The following HSPB1 variants were observed in gnomAD, a reference collection of about 807,000 sequenced individuals.
The protein encoded by HSPB1 is heat shock protein beta-1.
Under a neutral mutation model 17.0 loss-of-function variants are expected in HSPB1, and 19 were observed. The observed-to-expected ratio is 1.12, with a 90% CI of 0.78 to 1.64. The LOEUF (loss-of-function observed/expected upper bound fraction) is 1.64, where lower values mean the gene tolerates loss of function less well. Among genes scored for constraint, HSPB1 ranks in the 40% most tolerant of loss-of-function variants. The pLI is 0.00. For synonymous variants in HSPB1, 165 were observed against 129.8 expected (o/e 1.27, Z -1.84); for missense variants, 348 against 289.2 (o/e 1.20, Z -1.47).
In HSPB1 at chr7:76,302,791, C is replaced by T. The variant is rs777682976; in HGVS notation, c.79C>T (p.Arg27Cys). ...CTTCCGCGACTGGTACCCGCATAGC[C>T]GCCTCTTCGACCAGGCCTTCGGGCT... ...DPFRDWYPHS[R>C]LFDQAFGLPR... Residue 27 changes from arginine (R) to cysteine (C), a missense_variant, in exon 1 of 3, where the codon CGC (arginine) becomes TGC (cysteine). Transcript: ENST00000248553. 2 of 1,608,792 alleles carry T rather than the reference C, an allele frequency of 1.2e-6. No homozygotes were observed. The highest frequency in any genetic ancestry group is 1.7e-5 in the Admixed American group (1 of 59,884).
intron 2 of HSPB1, 21 bp downstream of exon 2, chr7:76,303,886 GGGGT>G (rs36071791): frequency 1.9e-5 from 31 of 1,604,122 alleles, no homozygotes; most frequent in Admixed American, 5.0e-5. Flanking sequence ...GCGCCAGGTC[GGGGT>G]GGGTGGGTGG....
At chr7:76,303,201 A>G (rs2117159301) in intron 1 of HSPB1, 125 bp downstream of exon 1, 2 of 1,166,828 alleles carry the variant, frequency 1.7e-6, no homozygotes, top group South Asian at 1.5e-5. Context: ...CACCGGGAAA[A>G]ACAGGACTCC....
intron 1 of HSPB1, 164 bp downstream of exon 1, chr7:76,303,240 CG>C: frequency 1.2e-6 from 1 of 852,238 alleles, no homozygotes; most frequent in Non-Finnish European, 1.8e-6. Context: ...ATTGGGAGTG[CG>C]GGTCGCTTCT....
intron 1 of HSPB1, chr7:76,303,345 T>G (rs1803039277): frequency 2.0e-6 from 1 of 498,538 alleles, no homozygotes; most frequent in Non-Finnish European, 3.5e-6. Flanking sequence ...CTGGGCAACA[T>G]AGCGAGACGC....
chr7:76,303,880 C>G lies in HSPB1; in HGVS notation c.428+15C>G. ...CGGAAATACACGTGAGTCCTGGCGC[C>G]AGGTCGGGGTGGGTGGGTGGCGTGG... is the stretch of plus-strand genomic sequence containing the variant. On this transcript the variant is annotated intron_variant, in intron 2 of 2. Transcript: ENST00000248553. The G allele has an allele frequency of 1.3e-6, 2 of 1,571,374 alleles. No homozygotes were observed. The highest frequency in any genetic ancestry group is 2.0e-4 in the Middle Eastern group (1 of 5,034).
intron 1 of HSPB1, chr7:76,303,364 G>A (rs1201459559): frequency 2.2e-6 from 1 of 450,916 alleles, no homozygotes; most frequent in Admixed American, 4.3e-5. Context: ...GCGCCCCCCC[G>A]CCCCGACCCC....
In HSPB1 at chr7:76,304,030, CCT is replaced by C. The variant is rs1240900244; in HGVS notation, c.476_477del (p.Pro159ArgfsTer42). 8 of 1,613,918 alleles carry C rather than the reference CCT, an allele frequency of 5.0e-6. No individual in the cohort carries two copies. Among genetic ancestry groups the C allele is most frequent in the South Asian group, 2.2e-5 (2 of 91,066 alleles). ...CACCCAAGTTTCCTCCTCCCTGTCC[CCT>C]GAGGGCACACTGACCGTGGAGGCCC... ...DPTQVSSSLS[P>X]EGTLTVEAPM... On this transcript the variant is annotated frameshift_variant, in exon 3 of 3. Coordinates refer to ENST00000248553, the MANE Select transcript of HSPB1 (RefSeq NM_001540.5). LOFTEE classifies it high-confidence loss of function.
intron 1 of HSPB1, chr7:76,303,506 C>T (rs1181936995): frequency 1.8e-6 from 1 of 568,552 alleles, no homozygotes. Context: ...TTCCCTGGCG[C>T]GGTGCCAGTT....
rs528301561 is a variant in HSPB1, at chr7:76,304,122, C to T, written c.567C>T (p.Ala189=). ...ITIPVTFESR[A]QLGGPEAAKS... is the part of the protein sequence containing the mutation. ...TCCCAGTCACCTTCGAGTCGCGGGC[C>T]CAGCTTGGGGGCCCAGAAGCTGCAA... The change falls in exon 3 of 3, where the codon GCC becomes GCT. Residue 189 remains alanine (A), a synonymous_variant. Transcript: ENST00000248553. 878 of 1,613,038 alleles carry T rather than the reference C, an allele frequency of 5.4e-4. 18 individuals are homozygous for T. The South Asian group carries it at 9.2e-3, about 17-fold the overall frequency.
chr7:76,304,066 A>G lies in HSPB1; in HGVS notation c.511A>G (p.Lys171Glu). 1 of 1,613,654 alleles carries G rather than the reference A, an allele frequency of 6.2e-7. No homozygotes were observed. The highest frequency in any genetic ancestry group is 8.5e-7 in the Non-Finnish European group (1 of 1,179,934). Reference sequence around the variant, plus strand: ...ACTGACCGTGGAGGCCCCCATGCCCAAGCTAGCCACGCAGTCCAACGAGAT... The same window carrying G: ...ACTGACCGTGGAGGCCCCCATGCCCGAGCTAGCCACGCAGTCCAACGAGAT... ...GTLTVEAPMP[K>E]LATQSNEITI... The change falls in exon 3 of 3, where the codon AAG (lysine) becomes GAG (glutamate). Residue 171 changes from lysine to glutamate, a missense_variant. Coordinates refer to ENST00000248553, the MANE Select transcript of HSPB1 (RefSeq NM_001540.5).
intron 1 of HSPB1, chr7:76,303,585 G>C (rs192368885): frequency 1.1e-4 from 67 of 611,442 alleles, no homozygotes; most frequent in African/African-American, 1.0e-3. Flanking sequence ...CCAGCTCCGC[G>C]CCCTGCTCCG....
At position 76,303,048 on chromosome 7, in the gene HSPB1, G is replaced by A; in HGVS notation, c.336G>A (p.Lys112=). ...TCGCCCCGGACGAGCTGACGGTCAAGACCAAGGATGGCGTGGTGGAGATCA... is the reference window on the plus strand; with the variant it reads ...TCGCCCCGGACGAGCTGACGGTCAAAACCAAGGATGGCGTGGTGGAGATCA... ...NHFAPDELTV[K]TKDGVVEITG... Residue 112 remains lysine (K), a synonymous_variant, in exon 1 of 3, where the codon AAG becomes AAA. Transcript: ENST00000248553. 1 of 1,539,238 alleles carries A rather than the reference G, an allele frequency of 6.5e-7. No homozygotes were observed. The highest frequency in any genetic ancestry group is 1.4e-5 in the African/African-American group (1 of 73,828).
chr7:76,303,975 C>T lies in HSPB1; in HGVS notation c.429-9C>T, dbSNP rs1234295897. 7 of 1,613,418 alleles carry T rather than the reference C, an allele frequency of 4.3e-6. No individual in the cohort carries two copies. Among genetic ancestry groups the T allele is most frequent in the Non-Finnish European group, 5.9e-6 (7 of 1,179,926 alleles). The stretch of plus-strand genomic sequence containing the variant: ...ATGTAACGCTTGCCTTTCCTCTCTG[C>T]ACGTCCAGGCTGCCCCCCGGTGTGG... On this transcript the variant is annotated splice_polypyrimidine_tract_variant and intron_variant, in intron 2 of 2. Coordinates refer to ENST00000248553, the MANE Select transcript of HSPB1 (RefSeq NM_001540.5).
chr7:76,303,111 G>T, intron 1 of HSPB1, 35 bp downstream of exon 1: 1 of 1,499,698 alleles, frequency 6.7e-7, no homozygotes, highest in Non-Finnish European at 8.9e-7. Flanking sequence ...GAGAGGAGGA[G>T]GCTAGCAGGG....
intron 1 of HSPB1, chr7:76,303,560 C>G: frequency 1.7e-6 from 1 of 592,464 alleles, no homozygotes; most frequent in Non-Finnish European, 3.0e-6. Flanking sequence ...AGTGCGCCTG[C>G]GTACTGCTCA....
chr7:76,303,294 G>A (rs1353485710), intron 1 of HSPB1: 6 of 578,244 alleles, frequency 1.0e-5, no homozygotes, highest in Non-Finnish European at 1.8e-5. Context: ...TTGGGAGGCC[G>A]AGACGGGAGG....
intron 1 of HSPB1, chr7:76,303,481 C>T (rs1290912567): frequency 1.8e-6 from 1 of 557,586 alleles, no homozygotes; most frequent in Admixed American, 3.1e-5. Flanking sequence ...GCCCCATCCC[C>T]AGATAAGCGG....
Position 76,304,067 on chromosome 7 carries a change from A to G in HSPB1, c.512A>G (p.Lys171Arg). The G allele has an allele frequency of 1.2e-6, 2 of 1,613,736 alleles. No homozygotes were observed. The highest frequency in any genetic ancestry group is 1.7e-6 in the Non-Finnish European group (2 of 1,179,942). Residue 171 changes from lysine to arginine, a missense_variant, in exon 3 of 3, where the codon AAG (lysine) becomes AGG (arginine). Physicochemically the swap from Lys to Arg is conservative, Grantham distance 26. Transcript: ENST00000248553. ...GTLTVEAPMP[K>R]LATQSNEITI... ...CTGACCGTGGAGGCCCCCATGCCCA[A>G]GCTAGCCACGCAGTCCAACGAGATC...
chr7:76,302,787 T>C lies in HSPB1; in HGVS notation c.75T>C (p.His25=), dbSNP rs374172570. The C allele has an allele frequency of 1.2e-6, 2 of 1,608,022 alleles. No homozygotes were observed. Among genetic ancestry groups the C allele is most frequent in the East Asian group, 2.2e-5 (1 of 44,818 alleles). The change falls in exon 1 of 3, where the codon CAT becomes CAC. Residue 25 remains histidine, a synonymous_variant. Transcript: ENST00000248553. ...ACCCCTTCCGCGACTGGTACCCGCA[T>C]AGCCGCCTCTTCGACCAGGCCTTCG... ...SWDPFRDWYP[H]SRLFDQAFGL...
Sources: allele counts gnomAD v4.1 joint callset, GRCh38; gene constraint gnomAD v4.1.1; transcripts MANE v1.5; gene names NCBI Gene and HGNC (gene_info 2026-07-23, HGNC 2026-07-21).